The following LMF1 variants were observed in gnomAD, a reference collection of about 807,000 sequenced individuals.
LMF1 encodes transmembrane protein 112.
In LMF1, 68 loss-of-function variants were observed where a neutral mutation model predicts 60.6. That is an observed-to-expected ratio of 1.12 (90% CI 0.92 to 1.37). The LOEUF is 1.37. Ranked by LOEUF, LMF1 falls within the 40% of genes most tolerant of loss-of-function variation. The pLI, the probability that LMF1 is intolerant of heterozygous loss-of-function variation, is 0.00. For missense variants in LMF1, 948 were observed against 767.2 expected (o/e 1.24, Z -2.78); for synonymous variants, 418 against 324.7 (o/e 1.29, Z -3.09).
intron 6 of LMF1, among the ~76,000 whole-genome samples, chr16:877,091 G>A (rs928391459): frequency 2.0e-5 from 3 of 151,830 alleles, no homozygotes; most frequent in Non-Finnish European, 4.4e-5. Context: ...CGGCACTTTA[G>A]GAGGTCAGGC....
chr16:939,328 C>T (rs1470773521), intron 2 of LMF1, among the ~76,000 whole-genome samples: 1 of 152,234 alleles, frequency 6.6e-6, no homozygotes, highest in Non-Finnish European at 1.5e-5. Flanking sequence ...ACCCAGCAGC[C>T]CACCTCAGGA....
chr16:964,164 C>T (rs1031465680), intron 1 of LMF1: 6 of 455,024 alleles, frequency 1.3e-5, no homozygotes, highest in African/African-American at 1.2e-4. Flanking sequence ...GGCGTGGCAG[C>T]CTGTGCCCGT....
At chr16:876,073 C>G (rs1025323509) in intron 6 of LMF1, among the ~76,000 whole-genome samples, 1 of 152,256 alleles carries the variant, frequency 6.6e-6, no homozygotes, top group Non-Finnish European at 1.5e-5. Context: ...CAGCACAACC[C>G]TCCTTGTGCG....
intron 2 of LMF1, among the ~76,000 whole-genome samples, chr16:937,652 G>T (rs1469409896): frequency 6.6e-6 from 1 of 152,202 alleles, no homozygotes; most frequent in Non-Finnish European, 1.5e-5. Context: ...CACTGGATGG[G>T]GGCTCCCATT....
At chr16:939,085 G>GGAAC (rs2072024155) in intron 2 of LMF1, among the ~76,000 whole-genome samples, 1 of 152,000 alleles carries the variant, frequency 6.6e-6, no homozygotes, top group Admixed American at 6.5e-5. Context: ...ACACCAAAGG[G>GGAAC]GAACGGCAAA....
Position 978,084 on chromosome 16 carries a change from A to G in LMF1, c.-135+3061T>C, listed in dbSNP as rs556692659. 2.5e-3 allele frequency among the ~76,000 whole-genome samples: 287 copies of G among 116,836 alleles called. 8 individuals carry two copies. Among genetic ancestry groups the G allele is most frequent in the African/African-American group, 0.011 (272 of 24,078 alleles). 76.6% of individuals were successfully genotyped at this position (116,836 alleles called of 152,430 possible). ...CCCACACCCTGCACACATACACCAC[A>G]CCAAACACACACGGACACACACACA... On this transcript the variant is annotated intron_variant, in intron 1 of 6. Transcript: ENST00000570014.
chr16:939,915 AC>A (rs1301242246), intron 2 of LMF1, among the ~76,000 whole-genome samples: 1 of 152,066 alleles, frequency 6.6e-6, no homozygotes, highest in Non-Finnish European at 1.5e-5. Flanking sequence ...TAATGCCTGC[AC>A]CCTGTCTTAT....
At chr16:968,794 G>A (rs941246095) in intron 1 of LMF1, 4 of 152,196 alleles carry the variant, frequency 2.6e-5, no homozygotes, top group African/African-American at 7.2e-5. Context: ...GAATCCCTGC[G>A]GAGATCAAAG....
chr16:861,939 G>A (rs966349208), intron 10 of LMF1, among the ~76,000 whole-genome samples: 9 of 152,120 alleles, frequency 5.9e-5, no homozygotes, highest in South Asian at 2.1e-4. Flanking sequence ...TTTATCCAGC[G>A]GAGGAAGTTC....
chr16:954,507 T>C lies in LMF1; in HGVS notation c.353A>G (p.Asp118Gly), dbSNP rs1047361482. 1.9e-6 allele frequency: 3 copies of C among 1,612,800 alleles called. No homozygotes were observed. Among genetic ancestry groups the C allele is most frequent in the African/African-American group, 2.7e-5 (2 of 74,892 alleles). The change falls in exon 2 of 11, where the codon GAC becomes GGC. Residue 118 changes from aspartate (D) to glycine (G), a missense_variant. Coordinates refer to ENST00000262301, the MANE Select transcript of LMF1 (RefSeq NM_022773.4). ...SYMPTILWLM[D>G]WSDMNSNLDL... ...CAGGTTGGAGTTCATGTCTGACCAG[T>C]CCATCAGCCAGAGGATGGTGGGCAT...
intron 1 of LMF1, among the ~76,000 whole-genome samples, chr16:978,685 G>C (rs2073247890): frequency 2.6e-5 from 4 of 152,150 alleles, no homozygotes; most frequent in African/African-American, 9.7e-5. Context: ...TGAGGTCAGG[G>C]TGGGTGGGGC....
chr16:861,038 C>G (rs542033453), intron 10 of LMF1, among the ~76,000 whole-genome samples: 1 of 152,054 alleles, frequency 6.6e-6, no homozygotes, highest in African/African-American at 2.4e-5. Flanking sequence ...ATAGGAATTG[C>G]ATTAAACCTG....
rs76200860 is a variant in LMF1 at position 879,543 on chromosome 16, G to A, written c.897+27C>T. 2.3e-3 allele frequency: 3,686 copies of A among 1,608,676 alleles called. 99 individuals carry two copies. The East Asian group carries it at 0.057, about 25-fold the overall frequency. On this transcript the variant is annotated intron_variant, in intron 6 of 10. Coordinates refer to ENST00000262301, the MANE Select transcript of LMF1 (RefSeq NM_022773.4). ...GACGGGCCAGCGTCTCTGTGGACAC[G>A]GGGCAGGGCGGGCGGCGCGGGCTCA...
intron 1 of LMF1, among the ~76,000 whole-genome samples, chr16:966,446 C>T (rs562928065): frequency 4.6e-5 from 7 of 152,316 alleles, no homozygotes; most frequent in South Asian, 4.1e-4. Context: ...GTCTCTGCGC[C>T]GACGCCATGG....
chr16:969,092 C>G (rs2072985837), intron 1 of LMF1: 1 of 152,130 alleles, frequency 6.6e-6, no homozygotes, highest in Non-Finnish European at 1.5e-5. Context: ...TTTGGGAGGC[C>G]CTGAGGTCAG....
At chr16:929,621 C>T (rs540513248) in intron 3 of LMF1, among the ~76,000 whole-genome samples, 47 of 152,352 alleles carry the variant, frequency 3.1e-4, no homozygotes, top group African/African-American at 1.1e-3. Flanking sequence ...CGCTGCAGGG[C>T]GGCAGGAAGC....
chr16:935,830 T>G (rs1372397548), intron 2 of LMF1, among the ~76,000 whole-genome samples: 1 of 152,226 alleles, frequency 6.6e-6, no homozygotes. Context: ...TTTGAATATG[T>G]CTGTGATTTT....
chr16:948,080 A>G (rs1253084638), intron 2 of LMF1, among the ~76,000 whole-genome samples: 1 of 151,438 alleles, frequency 6.6e-6, no homozygotes, highest in Non-Finnish European at 1.5e-5. Flanking sequence ...ACTTAGAGAC[A>G]ACGAGAGAGT....
At chr16:887,604 C>T (rs1352623243) in intron 5 of LMF1, among the ~76,000 whole-genome samples, 1 of 152,180 alleles carries the variant, frequency 6.6e-6, no homozygotes. Flanking sequence ...CGCCTGGAGG[C>T]CCCGCAGAAC....
Sources: allele counts gnomAD v4.1 joint callset (sites outside exome capture counted in the v4.1 genomes callset), GRCh38; gene constraint gnomAD v4.1.1; transcripts MANE v1.5; gene names NCBI Gene and HGNC (gene_info 2026-07-23, HGNC 2026-07-21).